Variants in DARS1 observed in about 807,000 individuals in gnomAD.
The protein encoded by DARS1 is aspartyl-tRNA synthetase 1, also known as aspartate--tRNA ligase, cytoplasmic.
DARS1 carries 51 observed loss-of-function variants against 68.8 expected under a neutral mutation model. The observed-to-expected ratio is 0.74, with a 90% confidence interval of 0.59 to 0.94. DARS1 has a LOEUF of 0.94. Ranked by LOEUF, DARS1 falls within the 40% of genes least tolerant of loss-of-function variation. The probability of loss-of-function intolerance (pLI) is 0.00; values close to 1 mark genes in which losing one functional copy is unlikely to be tolerated. For synonymous variants in DARS1, 203 were observed against 190.4 expected (o/e 1.07, Z -0.55); for missense variants, 607 against 597.3 (o/e 1.02, Z -0.17).
chr2:135,910,924 T>A (rs569081158), intron 15 of DARS1: 82 of 459,198 alleles, frequency 1.8e-4, no homozygotes, highest in Non-Finnish European at 3.1e-4. Flanking sequence ...ATACTCCACT[T>A]ACAAGACATT....
rs1680839628 is a variant in DARS1 at position 135,908,874 on chromosome 2, G to C, written c.1415-1467C>G. On this transcript the variant is annotated intron_variant, in intron 15 of 15. Coordinates refer to ENST00000264161, the MANE Select transcript of DARS1 (RefSeq NM_001349.4). ...CACTATTCACAATAGCAAAGACATG[G>C]GATCAACCCAAATGCCCATCAATGA... is the stretch of plus-strand genomic sequence containing the variant. Among the ~76,000 whole-genome samples the C allele has an allele frequency of 2.0e-5, 3 of 152,076 alleles. No individual in the cohort carries two copies. In the South Asian group the frequency reaches 6.2e-4, roughly 32 times the overall value.
chr2:135,923,287 T>A (rs1179339957), intron 8 of DARS1, among the ~76,000 whole-genome samples: 1 of 152,094 alleles, frequency 6.6e-6, no homozygotes, highest in Non-Finnish European at 1.5e-5. Context: ...GCTGGAATAA[T>A]CATTCTTCTT....
chr2:135,981,464 G>GATGGTCA (rs1053465655), intron 2 of DARS1, among the ~76,000 whole-genome samples: 1 of 152,122 alleles, frequency 6.6e-6, no homozygotes, highest in African/African-American at 2.4e-5. Context: ...GTGCTGACAT[G>GATGGTCA]ATGGTCAAAG....
rs6724595 is a variant in DARS1, at chr2:135,935,085, G to A, written c.424-1095C>T. Among the ~76,000 whole-genome samples the A allele has an allele frequency of 7.4e-3, 1,116 of 151,456 alleles. 16 individuals carry two copies. Among genetic ancestry groups the A allele is most frequent in the African/African-American group, 0.025 (1,044 of 41,342 alleles). On this transcript the variant is annotated intron_variant, in intron 5 of 15. Transcript: ENST00000264161. ...ATTACAGGCATGAGCCACCACGCCCGGCCATCTTGTTATTTTTAACAGCAT... is the reference window on the plus strand; with the variant it reads ...ATTACAGGCATGAGCCACCACGCCCAGCCATCTTGTTATTTTTAACAGCAT...
intron 12 of DARS1, among the ~76,000 whole-genome samples, chr2:135,912,882 C>G (rs1366087619): frequency 6.6e-6 from 1 of 151,578 alleles, no homozygotes; most frequent in Non-Finnish European, 1.5e-5. Flanking sequence ...TAAGCAGGAG[C>G]CTGGCTAATT....
chr2:135,925,672 T>C (rs1681198375), intron 7 of DARS1, among the ~76,000 whole-genome samples: 2 of 152,242 alleles, frequency 1.3e-5, no homozygotes, highest in Non-Finnish European at 2.9e-5. Context: ...CAAAGGTCTT[T>C]ATAATTTATT....
At chr2:135,965,920 A>T (rs1375114582) in intron 3 of DARS1, among the ~76,000 whole-genome samples, 1 of 152,202 alleles carries the variant, frequency 6.6e-6, no homozygotes, top group Non-Finnish European at 1.5e-5. Context: ...CACTCAGACT[A>T]CTTCTCTATG....
chr2:135,920,316 TGG>T, intron 10 of DARS1, 135 bp downstream of exon 10: 1 of 1,330,782 alleles, frequency 7.5e-7, no homozygotes, highest in South Asian at 1.7e-5. Context: ...ACCAATTAAA[TGG>T]ATCATCTAAC....
At chr2:135,915,819 T>C (rs973549959) in intron 11 of DARS1, among the ~76,000 whole-genome samples, 3 of 152,126 alleles carry the variant, frequency 2.0e-5, no homozygotes, top group African/African-American at 4.8e-5. Context: ...AGAAGTAACA[T>C]ATTAGAAGAT....
chr2:135,932,896 A>G, intron 6 of DARS1, 54 bp from the exon 7 acceptor site: 1 of 842,668 alleles, frequency 1.2e-6, no homozygotes, highest in Non-Finnish European at 1.9e-6. Flanking sequence ...TATTTTGAAG[A>G]GCACAAAAAA....
intron 5 of DARS1, 125 bp from the exon 6 acceptor site, chr2:135,934,115 T>G: frequency 7.1e-7 from 1 of 1,400,940 alleles, no homozygotes; most frequent in South Asian, 1.7e-5. Flanking sequence ...TTGAAACTAC[T>G]TGCTGAAATC....
In DARS1 at chr2:135,907,249, T is replaced by A; in HGVS notation, c.*67A>T. On this transcript the variant is annotated 3_prime_UTR_variant, in exon 16 of 16. Transcript: ENST00000264161. The stretch of plus-strand genomic sequence containing the variant: ...AAGAATAAGTGTGGCTTTCTTTTTT[T>A]TTTTTTTTTTTTGAGGCAGGGTCTC... The A allele has an allele frequency of 1.2e-6, 1 of 857,272 alleles. No individual in the cohort carries two copies. The highest frequency in any genetic ancestry group is 1.7e-6 in the Non-Finnish European group (1 of 605,920). 53.1% of individuals were successfully genotyped at this position (857,272 alleles called of 1,614,324 possible). A position where few individuals can be genotyped will look rare whatever the true frequency, so the allele number is the denominator to read the frequency against.
At chr2:135,967,984 G>C (rs1682274418) in intron 3 of DARS1, among the ~76,000 whole-genome samples, 1 of 152,142 alleles carries the variant, frequency 6.6e-6, no homozygotes, top group Non-Finnish European at 1.5e-5. Flanking sequence ...CTACGGCCGG[G>C]GGCAGTGGCT....
chr2:135,945,413 C>T (rs1359736275), intron 4 of DARS1, among the ~76,000 whole-genome samples: 1 of 152,158 alleles, frequency 6.6e-6, no homozygotes, highest in Non-Finnish European at 1.5e-5. Flanking sequence ...CAGGCATGAG[C>T]CATCGCGCCC....
intron 8 of DARS1, among the ~76,000 whole-genome samples, 174 bp from the exon 9 acceptor site, chr2:135,923,092 T>C (rs1681139736): frequency 6.6e-6 from 1 of 152,182 alleles, no homozygotes; most frequent in Non-Finnish European, 1.5e-5. Flanking sequence ...TTCTAAATAG[T>C]TTATATTTAA....
intron 3 of DARS1, among the ~76,000 whole-genome samples, chr2:135,966,233 T>C (rs1357400194): frequency 6.6e-6 from 1 of 151,882 alleles, no homozygotes; most frequent in Non-Finnish European, 1.5e-5. Context: ...GGGAAGAGAC[T>C]GTGGTGAGAT....
chr2:135,922,556 G>A (rs1370762154), intron 9 of DARS1, among the ~76,000 whole-genome samples: 1 of 152,046 alleles, frequency 6.6e-6, no homozygotes, highest in East Asian at 1.9e-4. Flanking sequence ...ATGGAATGAT[G>A]CTCAACTGTT....
At chr2:135,933,633 AAAGT>A (rs1448618890) in intron 6 of DARS1, among the ~76,000 whole-genome samples, 3 of 152,156 alleles carry the variant, frequency 2.0e-5, no homozygotes, top group Non-Finnish European at 2.9e-5. Flanking sequence ...AATTTTTAAT[AAAGT>A]AATAAATATT....
intron 4 of DARS1, among the ~76,000 whole-genome samples, chr2:135,951,095 A>G (rs1170349271): frequency 6.6e-6 from 1 of 152,210 alleles, no homozygotes; most frequent in Admixed American, 6.5e-5. Context: ...TTATAATCAG[A>G]GGATTATTGG....
Sources: gnomAD v4.1 joint callset for allele counts (sites outside exome capture counted in the v4.1 genomes callset) on GRCh38, gnomAD v4.1.1 for gene constraint, MANE v1.5 for transcripts, NCBI Gene and HGNC (gene_info 2026-07-23, HGNC 2026-07-21) for gene names.